The following UPF2 variants were observed in gnomAD, a reference collection of about 807,000 sequenced individuals.
UPF2 encodes UPF2 regulator of nonsense mediated mRNA decay, also known as regulator of nonsense transcripts 2.
Under a neutral mutation model 141.4 loss-of-function variants are expected in UPF2, and 17 were observed. The ratio of observed to expected loss-of-function variants is 0.12; its 90% CI spans 0.08 to 0.18. UPF2 has a LOEUF of 0.18. Among genes scored for constraint, UPF2 ranks in the 10% least tolerant of loss-of-function variants. UPF2 has a pLI of 1.00. For synonymous variants in UPF2, 540 were observed against 498.0 expected, an observed-to-expected ratio of 1.08 and a Z score of -1.12; for missense variants, 1,152 against 1,515.9, an observed-to-expected ratio of 0.76 and a Z score of 3.99.
chr10:12,006,248 G>C (rs74116815), intron 4 of UPF2, among the ~76,000 whole-genome samples: 2,207 of 152,236 alleles, frequency 0.014, 50 homozygotes, highest in African/African-American at 0.05. Context: ...AAGATGAAGC[G>C]TACAGATCTC....
Position 12,014,812 on chromosome 10 carries a change from G to A in UPF2, c.1146-628C>T, listed in dbSNP as rs1269794095. On this transcript the variant is annotated intron_variant, in intron 3 of 21. Coordinates refer to ENST00000357604, the MANE Select transcript of UPF2 (RefSeq NM_015542.4). The surrounding 1 kb of genome is among the most constrained non-coding windows in gnomAD (Gnocchi z 5.0). ...ATGATTTGAATCAAGATTATCTTTT[G>A]AAAAAGCCCACAATCTTCCACACAG... 1.3e-5 allele frequency among the ~76,000 whole-genome samples: 2 copies of A among 152,088 alleles called. No individual in the cohort carries two copies. Among genetic ancestry groups the A allele is most frequent in the Non-Finnish European group, 2.9e-5 (2 of 68,000 alleles).
At position 12,016,531 on chromosome 10, in the gene UPF2, T is replaced by C. The variant is rs1834223144; in HGVS notation, c.1146-2347A>G. On this transcript the variant is annotated intron_variant, in intron 3 of 21. Coordinates refer to ENST00000357604, the MANE Select transcript of UPF2 (RefSeq NM_015542.4). The surrounding 1 kb of genome is among the most constrained non-coding windows in gnomAD (Gnocchi z 4.1). Reference sequence around the variant, plus strand: ...CAATATGGTGAAACTCTGTCTCTACTAAAAATACAAAAATTAGCCGGGTGT... The same window carrying C: ...CAATATGGTGAAACTCTGTCTCTACCAAAAATACAAAAATTAGCCGGGTGT... 6.6e-6 allele frequency among the ~76,000 whole-genome samples: 1 copy of C among 150,806 alleles called. No homozygotes were observed. The highest frequency in any genetic ancestry group is 1.5e-5 in the Non-Finnish European group (1 of 67,734).
chr10:11,928,598 A>C (rs1198611055), intron 21 of UPF2: 1 of 180,768 alleles, frequency 5.5e-6, no homozygotes, highest in Non-Finnish European at 1.2e-5. Flanking sequence ...GGTCCCAGCT[A>C]CTCGGGAGGC....
rs1362660060 is a variant in UPF2, at chr10:11,939,131, A to G, written c.3379-2419T>C. 6.6e-6 allele frequency among the ~76,000 whole-genome samples: 1 copy of G among 152,014 alleles called. No individual in the cohort carries two copies. The highest frequency in any genetic ancestry group is 2.4e-5 in the African/African-American group (1 of 41,374). On this transcript the variant is annotated intron_variant, in intron 18 of 21. Transcript: ENST00000357604. The surrounding 1 kb of genome is among the most constrained non-coding windows in gnomAD (Gnocchi z 4.8). The stretch of plus-strand genomic sequence containing the variant: ...GTGATCCTCCCACCTCGGCCTCCCA[A>G]AGTGATGGGATTACAGGCATTGAGC...
At chr10:11,938,853 G>GTTGTTTTT (rs1832889614) in intron 18 of UPF2, among the ~76,000 whole-genome samples, 2 of 79,816 alleles carry the variant, frequency 2.5e-5, no homozygotes, top group South Asian at 3.9e-4. Flanking sequence ...TTTTTTTTTT[G>GTTGTTTTT]TTTTTTTTTT....
rs1180346299 is a variant in UPF2 at position 11,998,199 on chromosome 10, C to T, written c.1759-442G>A. Among the ~76,000 whole-genome samples, 1 of 152,146 alleles carries T rather than the reference C, an allele frequency of 6.6e-6. No individual in the cohort carries two copies. Among genetic ancestry groups the T allele is most frequent in the East Asian group, 1.9e-4 (1 of 5,190 alleles). Reference sequence around the variant, plus strand: ...AAAACTGGAAAGCCTGATAAGCGGCCTCAGTGAAGGTCTCTCTGACCAACC... The same window carrying T: ...AAAACTGGAAAGCCTGATAAGCGGCTTCAGTGAAGGTCTCTCTGACCAACC... On this transcript the variant is annotated intron_variant, in intron 7 of 21. Coordinates refer to ENST00000357604, the MANE Select transcript of UPF2 (RefSeq NM_015542.4). The surrounding 1 kb of genome is among the most constrained non-coding windows in gnomAD (Gnocchi z 4.5).
In UPF2 at chr10:11,935,520, G is replaced by A. The variant is rs781771323; in HGVS notation, c.3546+1025C>T. Among the ~76,000 whole-genome samples, 2 of 152,166 alleles carry A rather than the reference G, an allele frequency of 1.3e-5. No homozygotes were observed. The highest frequency in any genetic ancestry group is 2.4e-5 in the African/African-American group (1 of 41,442). The stretch of plus-strand genomic sequence containing the variant: ...ACTAAAGCAGAAAGAAATGCTGTCA[G>A]TTAACACAGGATTTCATGGACTCTA... On this transcript the variant is annotated intron_variant, in intron 19 of 21. Coordinates refer to ENST00000357604, the MANE Select transcript of UPF2 (RefSeq NM_015542.4). This position sits in a 1 kb window ranked among gnomAD's most constrained non-coding sequence, Gnocchi z 4.9.
chr10:11,968,684 A>T (rs1033431521), intron 9 of UPF2, among the ~76,000 whole-genome samples: 2 of 152,230 alleles, frequency 1.3e-5, no homozygotes, highest in Non-Finnish European at 2.9e-5. Flanking sequence ...AAATTTCAAG[A>T]ATTATCAGAT....
Position 11,948,292 on chromosome 10 carries a change from T to TA in UPF2, c.3174+76dup, listed in dbSNP as rs1345452520. Reference sequence around the variant, plus strand: ...AAAACCAGGAGGAGGTCTTATGTATTAAAAAAATTTTGGCTCATATAATCA... The same window carrying TA: ...AAAACCAGGAGGAGGTCTTATGTATTAAAAAAAATTTTGGCTCATATAATCA... On this transcript the variant is annotated intron_variant, in intron 16 of 21. Coordinates refer to ENST00000357604, the MANE Select transcript of UPF2 (RefSeq NM_015542.4). The TA allele has an allele frequency of 8.8e-6, 12 of 1,370,864 alleles. No individual in the cohort carries two copies. In the Admixed American group the frequency reaches 2.7e-4, roughly 31 times the overall value. 84.9% of individuals were successfully genotyped at this position (1,370,864 alleles called of 1,614,324 possible).
chr10:11,961,407 C>A (rs1180122767), intron 11 of UPF2, among the ~76,000 whole-genome samples: 7 of 151,626 alleles, frequency 4.6e-5, no homozygotes, highest in Admixed American at 1.3e-4. Context: ...GGCTGAAGAA[C>A]CACGGGAAGA....
At chr10:11,999,085 C>T (rs1342881795) in intron 7 of UPF2, among the ~76,000 whole-genome samples, 1 of 151,574 alleles carries the variant, frequency 6.6e-6, no homozygotes, top group African/African-American at 2.4e-5. Context: ...GTGACAGTGG[C>T]ACTGTTTTTT....
chr10:11,934,747 G>A (rs1332374175), intron 19 of UPF2, among the ~76,000 whole-genome samples: 4 of 152,116 alleles, frequency 2.6e-5, no homozygotes, highest in Non-Finnish European at 5.9e-5. Flanking sequence ...ACGCCACCAA[G>A]CCTGGCTAAT....
chr10:11,923,502 G>A (rs1401082969), intron 21 of UPF2, among the ~76,000 whole-genome samples: 2 of 152,026 alleles, frequency 1.3e-5, no homozygotes, highest in African/African-American at 2.4e-5. Context: ...CCAAGATGGT[G>A]AAACCCCGTC....
In UPF2 at chr10:11,955,287, T is replaced by A. The variant is rs1833130770; in HGVS notation, c.2795A>T (p.Tyr932Phe). 1.2e-6 allele frequency: 2 copies of A among 1,610,414 alleles called. No individual in the cohort carries two copies. Among genetic ancestry groups the A allele is most frequent in the Non-Finnish European group, 1.7e-6 (2 of 1,178,236 alleles). ...TCGTTTACTGGAACCTCTGTCAAAG[T>A]ACTGGCCACATGTGTCCAGAATAGT... ...VCTILDTCGQYFDRGSSKRKL... is the reference protein window; with the variant it reads ...VCTILDTCGQFFDRGSSKRKL... The change falls in exon 14 of 22, where the codon TAC becomes TTC. Residue 932 changes from tyrosine (Y) to phenylalanine (F), a missense_variant. Coordinates refer to ENST00000357604, the MANE Select transcript of UPF2 (RefSeq NM_015542.4).
chr10:11,953,465 G>C lies in UPF2; in HGVS notation c.2851-1216C>G, dbSNP rs780453586. Among the ~76,000 whole-genome samples the C allele has an allele frequency of 6.6e-6, 1 of 152,124 alleles. No individual in the cohort carries two copies. Among genetic ancestry groups the C allele is most frequent in the Non-Finnish European group, 1.5e-5 (1 of 68,020 alleles). On this transcript the variant is annotated intron_variant, in intron 14 of 21. Transcript: ENST00000357604. This position sits in a 1 kb window ranked among gnomAD's most constrained non-coding sequence, Gnocchi z 5.0. ...GAAACACACAGACCTCATCACCCAGGCCTCACTCACTTCTGACTCCAATTC... is the reference window on the plus strand; with the variant it reads ...GAAACACACAGACCTCATCACCCAGCCCTCACTCACTTCTGACTCCAATTC...
intron 2 of UPF2, among the ~76,000 whole-genome samples, chr10:12,031,881 C>G (rs1458687018): frequency 2.0e-5 from 3 of 152,150 alleles, no homozygotes; most frequent in Non-Finnish European, 4.4e-5. Flanking sequence ...CCATTAAAAG[C>G]TACAATATAT....
Position 12,017,076 on chromosome 10 carries a change from T to C in UPF2, c.1146-2892A>G, listed in dbSNP as rs1434676667. Among the ~76,000 whole-genome samples, 11 of 149,612 alleles carry C rather than the reference T, an allele frequency of 7.4e-5. No homozygotes were observed. The South Asian group carries it at 1.0e-3, about 14-fold the overall frequency. Reference sequence around the variant, plus strand: ...TAAGAAAAATGTTAACAGGTAAAAATTGAAGAGTTTATTCCATGGCACTTT... The same window carrying C: ...TAAGAAAAATGTTAACAGGTAAAAACTGAAGAGTTTATTCCATGGCACTTT... On this transcript the variant is annotated intron_variant, in intron 3 of 21. Coordinates refer to ENST00000357604, the MANE Select transcript of UPF2 (RefSeq NM_015542.4).
At position 11,998,147 on chromosome 10, in the gene UPF2, G is replaced by A. The variant is rs934431656; in HGVS notation, c.1759-390C>T. ...CAATACCCCAAAATATGGCTCTTTG[G>A]ATGCTGAGTACTTCATTTGAACTAA... On this transcript the variant is annotated intron_variant, in intron 7 of 21. Coordinates refer to ENST00000357604, the MANE Select transcript of UPF2 (RefSeq NM_015542.4). This position sits in a 1 kb window ranked among gnomAD's most constrained non-coding sequence, Gnocchi z 4.5. Among the ~76,000 whole-genome samples the A allele has an allele frequency of 6.6e-6, 1 of 152,138 alleles. No individual in the cohort carries two copies. The highest frequency in any genetic ancestry group is 2.4e-5 in the African/African-American group (1 of 41,418).
chr10:12,016,690 T>A lies in UPF2; in HGVS notation c.1146-2506A>T, dbSNP rs972639008. ...GCCTGGGCGACAGAGCAAGACTGTC[T>A]AAAAAAAAAAAGAAAAAGAAGTAAG... is the stretch of plus-strand genomic sequence containing the variant. On this transcript the variant is annotated intron_variant, in intron 3 of 21. Coordinates refer to ENST00000357604, the MANE Select transcript of UPF2 (RefSeq NM_015542.4). This position sits in a 1 kb window ranked among gnomAD's most constrained non-coding sequence, Gnocchi z 4.1. Among the ~76,000 whole-genome samples the A allele has an allele frequency of 7.4e-6, 1 of 135,278 alleles. No homozygotes were observed. Among genetic ancestry groups the A allele is most frequent in the Non-Finnish European group, 1.6e-5 (1 of 62,980 alleles). 88.7% of individuals were successfully genotyped at this position (135,278 alleles called of 152,430 possible).
Sources: allele counts gnomAD v4.1 joint callset (sites outside exome capture counted in the v4.1 genomes callset), GRCh38; gene constraint gnomAD v4.1.1; non-coding constraint Gnocchi (gnomAD v3.1); transcripts MANE v1.5; gene names NCBI Gene and HGNC (gene_info 2026-07-23, HGNC 2026-07-21).